FGF12: variants seen among roughly 807,000 people sequenced by gnomAD.
FGF12 encodes fibroblast growth factor 12.
FGF12 carries 14 observed loss-of-function variants against 23.6 expected under a neutral mutation model. The ratio of observed to expected loss-of-function variants is 0.59; its 90% CI spans 0.39 to 0.93. FGF12 has a LOEUF of 0.93. Among genes scored for constraint, FGF12 ranks in the 40% least tolerant of loss-of-function variants. FGF12 has a pLI of 0.00. For missense variants in FGF12, 175 were observed against 217.8 expected (o/e 0.80, Z 1.24); for synonymous variants, 62 against 77.3 (o/e 0.80, Z 1.04).
At chr3:192,438,725 C>G (rs185290730) in intron 2 of FGF12, among the ~76,000 whole-genome samples, 37 of 152,318 alleles carry the variant, frequency 2.4e-4, no homozygotes, top group Admixed American at 7.2e-4. Context: ...ATTCCAATAA[C>G]AACGTTTGTG....
chr3:192,394,431 A>G (rs918725678), intron 2 of FGF12, among the ~76,000 whole-genome samples: 1 of 152,192 alleles, frequency 6.6e-6, no homozygotes. Flanking sequence ...ACCTTCTAGA[A>G]CTTCATATCA....
At chr3:192,234,271 C>T (rs569456497) in intron 4 of FGF12, among the ~76,000 whole-genome samples, 2 of 152,222 alleles carry the variant, frequency 1.3e-5, no homozygotes, top group Non-Finnish European at 2.9e-5. Context: ...CTTTCCCCTC[C>T]CTGGTTAGCT....
intron 4 of FGF12, among the ~76,000 whole-genome samples, chr3:192,197,141 G>A (rs80320573): frequency 0.06 from 9,159 of 152,078 alleles, 373 homozygotes; most frequent in Non-Finnish European, 0.092. Context: ...TCTCTGATTC[G>A]GCAGTACATG....
intron 2 of FGF12, among the ~76,000 whole-genome samples, chr3:192,521,879 A>G (rs942085712): frequency 4.6e-5 from 7 of 152,124 alleles, no homozygotes; most frequent in Non-Finnish European, 1.0e-4. Context: ...TTATGTTTGT[A>G]TATCTTGGTA....
intron 2 of FGF12, among the ~76,000 whole-genome samples, chr3:192,437,435 G>C (rs1486109437): frequency 2.6e-5 from 4 of 152,310 alleles, no homozygotes; most frequent in African/African-American, 9.6e-5. Flanking sequence ...GCTCACGCCT[G>C]TAATCCCAGC....
At position 192,156,608 on chromosome 3, in the gene FGF12, AT is replaced by A. The variant is rs140690461; in HGVS notation, c.428-12482del. Among the ~76,000 whole-genome samples, 1,412 of 152,260 alleles carry A rather than the reference AT, an allele frequency of 9.3e-3. 27 individuals carry two copies. The highest frequency in any genetic ancestry group is 0.033 in the African/African-American group (1,352 of 41,532). On this transcript the variant is annotated intron_variant, in intron 5 of 5. Transcript: ENST00000445105. ...GCCTGCAAGATAAATAAACAATGTT[AT>A]TTCCCTTTCATCTGGCTTTTCTGGG...
intron 2 of FGF12, among the ~76,000 whole-genome samples, chr3:192,657,616 A>G (rs1314862128): frequency 6.6e-6 from 1 of 152,120 alleles, no homozygotes; most frequent in African/African-American, 2.4e-5. Context: ...AACTACCTGA[A>G]TTTGTTAAAT....
At chr3:192,299,942 C>T (rs1340249521) in intron 4 of FGF12, among the ~76,000 whole-genome samples, 5 of 152,214 alleles carry the variant, frequency 3.3e-5, no homozygotes, top group African/African-American at 1.2e-4. Flanking sequence ...CATTTCAGTA[C>T]TGAAATTACA....
chr3:192,638,608 A>C (rs974563976), intron 2 of FGF12, among the ~76,000 whole-genome samples: 2 of 152,244 alleles, frequency 1.3e-5, no homozygotes, highest in African/African-American at 4.8e-5. Context: ...ATAATAAACA[A>C]TGATAGCTCT....
rs1342186554 is a variant in FGF12, at chr3:192,282,728, T to C, written c.228+52633A>G. On this transcript the variant is annotated intron_variant, in intron 4 of 5. Coordinates refer to ENST00000445105, the MANE Select transcript of FGF12 (RefSeq NM_004113.6). ...GAGACAGAGAGAGCTGTAACACATA[T>C]AACAATATGACCTCGAATTAATATT... 9.9e-5 allele frequency: 15 copies of C among 151,402 alleles called. No homozygotes were observed. In the East Asian group the frequency reaches 2.8e-3, roughly 28 times the overall value. The allele number at this position is 151,402 out of a possible 1,614,324, so 9.4% of individuals were successfully genotyped here.
chr3:192,181,221 C>T (rs1247396221), intron 4 of FGF12, among the ~76,000 whole-genome samples: 1 of 152,052 alleles, frequency 6.6e-6, no homozygotes, highest in Non-Finnish European at 1.5e-5. Context: ...AGGGGCCTCA[C>T]TAAGCAAAGA....
intron 2 of FGF12, among the ~76,000 whole-genome samples, chr3:192,434,595 T>G (rs942352183): frequency 6.6e-6 from 1 of 152,106 alleles, no homozygotes; most frequent in Non-Finnish European, 1.5e-5. Context: ...AGGAAAGAAG[T>G]GTTCTGTGAT....
rs528855135 is a variant in FGF12, at chr3:192,599,610, A to C, written c.13+127571T>G. Among the ~76,000 whole-genome samples, 14 of 152,188 alleles carry C rather than the reference A, an allele frequency of 9.2e-5. No individual in the cohort carries two copies. In the South Asian group the frequency reaches 2.1e-3, roughly 23 times the overall value. On this transcript the variant is annotated intron_variant, in intron 2 of 5. Coordinates refer to ENST00000445105, the MANE Select transcript of FGF12 (RefSeq NM_004113.6). ...TTTCTAATGTTAGCAGAAGGATGAG[A>C]GTAATTATAATGGAGGGAAGATTTA...
intron 2 of FGF12, among the ~76,000 whole-genome samples, chr3:192,564,854 C>T (rs532301254): frequency 6.6e-6 from 1 of 152,292 alleles, no homozygotes; most frequent in African/African-American, 2.4e-5. Flanking sequence ...ACAGAATTCC[C>T]TTAAGAATGT....
intron 2 of FGF12, among the ~76,000 whole-genome samples, chr3:192,524,088 A>T (rs1724885078): frequency 6.6e-6 from 1 of 152,080 alleles, no homozygotes; most frequent in Admixed American, 6.6e-5. Flanking sequence ...AGGGACAGTG[A>T]CTTCTAAAGT....
At chr3:192,564,356 G>A (rs914162836) in intron 2 of FGF12, among the ~76,000 whole-genome samples, 8 of 152,138 alleles carry the variant, frequency 5.3e-5, no homozygotes, top group Admixed American at 1.3e-4. Flanking sequence ...GAGCCACTGC[G>A]CCCTGCCGAC....
intron 2 of FGF12, among the ~76,000 whole-genome samples, chr3:192,552,288 C>T (rs73887622): frequency 1.7e-3 from 265 of 151,758 alleles, no homozygotes; most frequent in African/African-American, 6.2e-3. Context: ...GAAAATTCAA[C>T]TATTTGTGAA....
chr3:192,149,111 A>T lies in FGF12; in HGVS notation c.428-4984T>A, dbSNP rs117176746. On this transcript the variant is annotated intron_variant, in intron 5 of 5. Transcript: ENST00000445105. ...TAGCAAGTGAAGAGTTAATATACTT[A>T]GTTAATTAAGTGATATGATAGCAAA... Among the ~76,000 whole-genome samples, 11 of 152,322 alleles carry T rather than the reference A, an allele frequency of 7.2e-5. No homozygotes were observed. In the East Asian group the frequency reaches 2.1e-3, roughly 29 times the overall value.
chr3:192,525,458 G>C (rs1197413299), intron 2 of FGF12, among the ~76,000 whole-genome samples: 2 of 152,150 alleles, frequency 1.3e-5, no homozygotes, highest in African/African-American at 2.4e-5. Flanking sequence ...GAGTATTACA[G>C]ATACTATTTG....
Sources: allele counts gnomAD v4.1 joint callset (sites outside exome capture counted in the v4.1 genomes callset), GRCh38; gene constraint gnomAD v4.1.1; transcripts MANE v1.5; gene names NCBI Gene and HGNC (gene_info 2026-07-23, HGNC 2026-07-21).